The following C3orf33 variants were observed in gnomAD, a reference collection of about 807,000 sequenced individuals.
C3orf33 encodes the protein AP-1 activity suppressor.
A neutral mutation model predicts 28.7 loss-of-function variants in C3orf33; 23 were observed. The observed-to-expected ratio is 0.80, with a 90% CI of 0.58 to 1.13. The LOEUF (loss-of-function observed/expected upper bound fraction) is 1.13, where lower values mean the gene tolerates loss of function less well. Ranked by LOEUF, C3orf33 falls within the 50% of genes most tolerant of loss-of-function variation. The pLI is 0.00. For synonymous variants in C3orf33, 119 were observed against 120.5 expected (o/e 0.99, Z 0.08); for missense variants, 327 against 353.4 (o/e 0.93, Z 0.60).
chr3:155,803,742 C>T (rs1030994742), intron 1 of C3orf33, among the ~76,000 whole-genome samples: 1 of 144,868 alleles, frequency 6.9e-6, no homozygotes, highest in Non-Finnish European at 1.5e-5. Flanking sequence ...ACTAGCTGGA[C>T]GTGGTAGCAC....
chr3:155,777,110 G>T (rs1399822250), intron 2 of C3orf33, among the ~76,000 whole-genome samples: 1 of 152,042 alleles, frequency 6.6e-6, no homozygotes, highest in Non-Finnish European at 1.5e-5. Context: ...CTGAGGTCAG[G>T]AGTTCGAGAC....
intron 1 of C3orf33, among the ~76,000 whole-genome samples, chr3:155,803,430 TG>T (rs1751711387): frequency 1.3e-5 from 2 of 149,814 alleles, no homozygotes; most frequent in Admixed American, 1.3e-4. Flanking sequence ...CCGGGCGTGG[TG>T]GTGGGCGCCT....
intron 2 of C3orf33, among the ~76,000 whole-genome samples, chr3:155,779,405 C>T (rs1750849263): frequency 6.6e-6 from 1 of 152,158 alleles, no homozygotes; most frequent in Non-Finnish European, 1.5e-5. Context: ...GGCAATTCTC[C>T]TGCTGCAGCC....
intron 1 of C3orf33, chr3:155,804,279 C>T (rs1297655756): frequency 1.2e-5 from 4 of 322,406 alleles, no homozygotes; most frequent in African/African-American, 2.3e-5. Context: ...TTCTAATTTA[C>T]ACAACTTCCT....
intron 2 of C3orf33, among the ~76,000 whole-genome samples, chr3:155,800,468 G>C (rs909489580): frequency 6.6e-6 from 1 of 151,648 alleles, no homozygotes; most frequent in Non-Finnish European, 1.5e-5. Flanking sequence ...GCCAGGCATG[G>C]TGGCAGGTGC....
chr3:155,806,025 T>G, intron 1 of C3orf33, 114 bp downstream of exon 1: 6 of 696,350 alleles, frequency 8.6e-6, no homozygotes, highest in Admixed American at 3.6e-5. Flanking sequence ...CCCCCGCAGT[T>G]TTCTGTCGCT....
chr3:155,767,810 TTTCTATA>T (rs1349707870), intron 3 of C3orf33, 141 bp from the exon 4 acceptor site: 3 of 496,916 alleles, frequency 6.0e-6, no homozygotes, highest in Non-Finnish European at 1.0e-5. Flanking sequence ...GACCCATTTA[TTTCTATA>T]TTCAAGTTTT....
chr3:155,775,550 C>T (rs1268139766), intron 3 of C3orf33, 151 bp downstream of exon 3: 1 of 448,048 alleles, frequency 2.2e-6, no homozygotes, highest in Non-Finnish European at 3.8e-6. Flanking sequence ...CACCTCCCAC[C>T]TCCTTATATA....
intron 2 of C3orf33, among the ~76,000 whole-genome samples, chr3:155,795,317 G>T (rs747042573): frequency 1.3e-5 from 2 of 152,082 alleles, no homozygotes; most frequent in Non-Finnish European, 2.9e-5. Context: ...TTAGCCAGAC[G>T]TGGTGGTGCA....
At chr3:155,772,132 A>G (rs1750611258) in intron 3 of C3orf33, among the ~76,000 whole-genome samples, 1 of 152,138 alleles carries the variant, frequency 6.6e-6, no homozygotes, top group Non-Finnish European at 1.5e-5. Context: ...TTCAGCTTGA[A>G]AGGAGGAGGC....
chr3:155,802,428 CAATACGAGTA>C, intron 2 of C3orf33, 94 bp downstream of exon 2: 2 of 804,896 alleles, frequency 2.5e-6, no homozygotes, highest in Admixed American at 4.7e-5. Flanking sequence ...TAAAAGCTAC[CAATACGAGTA>C]ACAATATGAT....
chr3:155,805,832 CT>C, intron 1 of C3orf33: 4 of 504,472 alleles, frequency 7.9e-6, no homozygotes, highest in South Asian at 6.7e-5. Context: ...CCCAAATGCT[CT>C]AATGGACCAG....
At chr3:155,788,190 C>CA (rs368311178) in intron 2 of C3orf33, among the ~76,000 whole-genome samples, 51,140 of 133,782 alleles carry the variant, frequency 0.38, 10,383 homozygotes, top group Middle Eastern at 0.54. Flanking sequence ...GACTCCGTCT[C>CA]AAAAAAAAAA....
chr3:155,793,109 C>T (rs1450232803), intron 2 of C3orf33, among the ~76,000 whole-genome samples: 1 of 151,924 alleles, frequency 6.6e-6, no homozygotes, highest in African/African-American at 2.4e-5. Context: ...CATACAATGG[C>T]ACTCCAATAC....
At chr3:155,771,018 TGTGTG>T (rs1750571384) in intron 3 of C3orf33, among the ~76,000 whole-genome samples, 9 of 6,418 alleles carry the variant, frequency 1.4e-3, no homozygotes, top group Non-Finnish European at 1.2e-3. Flanking sequence ...GCTCTGCCAC[TGTGTG>T]TGTGTGTGTG....
At chr3:155,777,644 C>T (rs963086259) in intron 2 of C3orf33, among the ~76,000 whole-genome samples, 3 of 151,904 alleles carry the variant, frequency 2.0e-5, no homozygotes, top group African/African-American at 7.3e-5. Flanking sequence ...TATTTGTCAC[C>T]CAGGCTGATC....
chr3:155,799,691 A>G (rs982985110), intron 2 of C3orf33, among the ~76,000 whole-genome samples: 4 of 152,146 alleles, frequency 2.6e-5, no homozygotes, highest in African/African-American at 7.2e-5. Flanking sequence ...TTGTCTCAAA[A>G]AAGAAAAAAG....
At chr3:155,772,040 CA>C (rs149370005) in intron 3 of C3orf33, among the ~76,000 whole-genome samples, 1 of 151,748 alleles carries the variant, frequency 6.6e-6, no homozygotes, top group African/African-American at 2.4e-5. Flanking sequence ...CCCCTTTCTA[CA>C]AAAAAAACTT....
chr3:155,767,510 TTAC>T lies in C3orf33; in HGVS notation c.479_481del (p.Ser160del). ...TAGTTATTTCTTCACATTGCTTACC[TTAC>T]TCACCAGAAGATAGCAAAAGAGTGC... On this transcript the variant is annotated inframe_deletion and splice_region_variant, in exon 4 of 5. Coordinates refer to ENST00000340171, the MANE Select transcript of C3orf33 (RefSeq NM_001308229.2). 9 of 1,545,276 alleles carry T rather than the reference TTAC, an allele frequency of 5.8e-6. No individual in the cohort carries two copies. Among genetic ancestry groups the T allele is most frequent in the Non-Finnish European group, 7.9e-6 (9 of 1,138,264 alleles).
Sources: gnomAD v4.1 joint callset for allele counts (sites outside exome capture counted in the v4.1 genomes callset) on GRCh38, gnomAD v4.1.1 for gene constraint, MANE v1.5 for transcripts, NCBI Gene and HGNC (gene_info 2026-07-23, HGNC 2026-07-21) for gene names.